Variants in ARHGAP15 observed in about 807,000 individuals in gnomAD.
ARHGAP15 encodes the protein Rho GTPase activating protein 15, also known as rho GTPase-activating protein 15.
A neutral mutation model predicts 63.7 loss-of-function variants in ARHGAP15; 51 were observed. The ratio of observed to expected loss-of-function variants is 0.80; its 90% CI spans 0.64 to 1.01. The LOEUF (loss-of-function observed/expected upper bound fraction) is 1.01. ARHGAP15 is among the 50% of genes least tolerant of loss of function. The pLI, the probability that ARHGAP15 is intolerant of heterozygous loss-of-function variation, is 0.00. For synonymous variants in ARHGAP15, 191 were observed against 193.8 expected (o/e 0.99, Z 0.12); for missense variants, 560 against 564.6 (o/e 0.99, Z 0.08).
chr2:143,286,513 TTGTG>T (rs1341086384), intron 6 of ARHGAP15, among the ~76,000 whole-genome samples: 5 of 152,228 alleles, frequency 3.3e-5, no homozygotes, highest in Non-Finnish European at 7.3e-5. Flanking sequence ...ATATTCATGT[TTGTG>T]TGCATCTGCA....
At chr2:143,319,928 T>TA (rs1683929315) in intron 6 of ARHGAP15, among the ~76,000 whole-genome samples, 1 of 152,236 alleles carries the variant, frequency 6.6e-6, no homozygotes, top group African/African-American at 2.4e-5. Flanking sequence ...GTAAATGGTC[T>TA]TCAACTGTTA....
At chr2:143,188,655 T>TA (rs10679631) in intron 2 of ARHGAP15, among the ~76,000 whole-genome samples, 2 of 147,870 alleles carry the variant, frequency 1.4e-5, no homozygotes, top group East Asian at 2.0e-4. Context: ...TTATTATTAT[T>TA]TGTCTCCCAA....
intron 8 of ARHGAP15, among the ~76,000 whole-genome samples, chr2:143,442,553 C>G (rs1032216098): frequency 6.6e-6 from 1 of 152,020 alleles, no homozygotes; most frequent in Non-Finnish European, 1.5e-5. Context: ...GCCTCCGAGC[C>G]GGAAGAAATA....
At chr2:143,749,243 C>T (rs567015424) in intron 13 of ARHGAP15, among the ~76,000 whole-genome samples, 1 of 152,288 alleles carries the variant, frequency 6.6e-6, no homozygotes, top group South Asian at 2.1e-4. Context: ...ACAGATGAGT[C>T]CACCAGCTAA....
chr2:143,450,544 C>T (rs1006767226), intron 8 of ARHGAP15, among the ~76,000 whole-genome samples: 1 of 151,872 alleles, frequency 6.6e-6, no homozygotes, highest in Admixed American at 6.6e-5. Context: ...TTAGAAGTTA[C>T]CCTTTCCAGC....
chr2:143,561,979 AT>A (rs1027978248), intron 11 of ARHGAP15, among the ~76,000 whole-genome samples: 2 of 151,988 alleles, frequency 1.3e-5, no homozygotes, highest in African/African-American at 4.8e-5. Flanking sequence ...AAATGAGAGG[AT>A]TTTTTTCATT....
chr2:143,667,075 T>C (rs1187016255), intron 12 of ARHGAP15, among the ~76,000 whole-genome samples: 8 of 150,608 alleles, frequency 5.3e-5, no homozygotes, highest in African/African-American at 2.0e-4. Flanking sequence ...ACTGGGTATA[T>C]ACCCAAAGGA....
At chr2:143,439,529 A>C (rs996683091) in intron 8 of ARHGAP15, among the ~76,000 whole-genome samples, 3 of 30,284 alleles carry the variant, frequency 9.9e-5, no homozygotes, top group Admixed American at 5.4e-4. Flanking sequence ...TTTTACTTTG[A>C]AGTTAAAAAA....
intron 12 of ARHGAP15, among the ~76,000 whole-genome samples, chr2:143,693,993 A>G (rs1480840965): frequency 3.3e-5 from 5 of 152,220 alleles, no homozygotes; most frequent in African/African-American, 9.6e-5. Flanking sequence ...ACCATGTCAG[A>G]AGAGAGAATA....
chr2:143,699,576 C>G (rs2105413214), intron 12 of ARHGAP15, among the ~76,000 whole-genome samples: 1 of 152,298 alleles, frequency 6.6e-6, no homozygotes, highest in East Asian at 1.9e-4. Flanking sequence ...ACCTGCTCAC[C>G]AATCAGACCA....
At chr2:143,621,696 T>C (rs534476260) in intron 11 of ARHGAP15, among the ~76,000 whole-genome samples, 44 of 152,312 alleles carry the variant, frequency 2.9e-4, no homozygotes, top group African/African-American at 1.0e-3. Context: ...ACAGTTAATA[T>C]TATATGGTAT....
At chr2:143,457,669 A>T (rs1340837022) in intron 8 of ARHGAP15, among the ~76,000 whole-genome samples, 1 of 151,450 alleles carries the variant, frequency 6.6e-6, no homozygotes, top group Non-Finnish European at 1.5e-5. Flanking sequence ...ATTATTAACT[A>T]TATACTAAAT....
intron 6 of ARHGAP15, among the ~76,000 whole-genome samples, chr2:143,433,829 TTG>T (rs1360438848): frequency 6.6e-6 from 1 of 152,162 alleles, no homozygotes; most frequent in Non-Finnish European, 1.5e-5. Flanking sequence ...TCATTTGTCT[TTG>T]TGTATGTTAA....
At chr2:143,354,297 G>A (rs1383256850) in intron 6 of ARHGAP15, among the ~76,000 whole-genome samples, 1 of 152,178 alleles carries the variant, frequency 6.6e-6, no homozygotes, top group Admixed American at 6.6e-5. Flanking sequence ...TGATAGTGGT[G>A]ACATTCGTGC....
chr2:143,224,232 G>C (rs910775517), intron 4 of ARHGAP15, among the ~76,000 whole-genome samples: 1 of 152,116 alleles, frequency 6.6e-6, no homozygotes, highest in African/African-American at 2.4e-5. Flanking sequence ...GTGTTCGATA[G>C]TTAAGAAAAA....
intron 10 of ARHGAP15, among the ~76,000 whole-genome samples, chr2:143,540,768 C>T (rs1695011670): frequency 6.6e-6 from 1 of 152,152 alleles, no homozygotes; most frequent in Non-Finnish European, 1.5e-5. Flanking sequence ...ATGGGCTTCC[C>T]TTTGTGGTTA....
At chr2:143,153,396 AAAAACTC>A (rs1689913102) in intron 1 of ARHGAP15, among the ~76,000 whole-genome samples, 1 of 152,008 alleles carries the variant, frequency 6.6e-6, no homozygotes, top group South Asian at 2.1e-4. Flanking sequence ...ACTTATTGAA[AAAAACTC>A]TTGCATTCTC....
chr2:143,212,334 C>T (rs1558817087), intron 3 of ARHGAP15, among the ~76,000 whole-genome samples: 2 of 152,162 alleles, frequency 1.3e-5, no homozygotes, highest in African/African-American at 2.4e-5. Flanking sequence ...CTGTGTCTGC[C>T]GAGCACTTCC....
At chr2:143,577,803 T>C (rs576058532) in intron 11 of ARHGAP15, among the ~76,000 whole-genome samples, 1 of 152,082 alleles carries the variant, frequency 6.6e-6, no homozygotes, top group Non-Finnish European at 1.5e-5. Context: ...TAGAGGGAGA[T>C]TCCCATCCAG....
Sources: gnomAD v4.1 joint callset for allele counts (sites outside exome capture counted in the v4.1 genomes callset) on GRCh38, gnomAD v4.1.1 for gene constraint, MANE v1.5 for transcripts, NCBI Gene and HGNC (gene_info 2026-07-23, HGNC 2026-07-21) for gene names.